Variants in DIAPH3 observed in about 807,000 individuals in gnomAD.
DIAPH3 encodes the protein protein diaphanous homolog 3.
Under a neutral mutation model 144.3 loss-of-function variants are expected in DIAPH3, and 117 were observed. That is an observed-to-expected ratio of 0.81 (90% CI 0.70 to 0.95). The LOEUF (loss-of-function observed/expected upper bound fraction) is 0.95, where lower values mean the gene tolerates loss of function less well. DIAPH3 is among the 40% of genes least tolerant of loss of function. The probability of loss-of-function intolerance (pLI) is 0.00; values close to 1 mark genes in which losing one functional copy is unlikely to be tolerated. For synonymous variants in DIAPH3, 519 were observed against 488.9 expected, an observed-to-expected ratio of 1.06 and a Z score of -0.81; for missense variants, 1,421 against 1,412.7, an observed-to-expected ratio of 1.01 and a Z score of -0.09.
rs184519702 is a variant in DIAPH3 at position 60,053,459 on chromosome 13, T to C, written c.496-10639A>G. Among the ~76,000 whole-genome samples, 278 of 152,246 alleles carry C rather than the reference T, an allele frequency of 1.8e-3. 1 individual carries two copies. The highest frequency in any genetic ancestry group is 1.2e-3 in the East Asian group (6 of 5,190). The stretch of plus-strand genomic sequence containing the variant: ...ACCAAATGCAGCATAGAAAGAAAAG[T>C]ACATAGATTCCTCTTATCATATTCT... On this transcript the variant is annotated intron_variant, in intron 4 of 27. Coordinates refer to ENST00000400324, the MANE Select transcript of DIAPH3 (RefSeq NM_001042517.2).
chr13:59,752,901 T>C (rs2037082783), intron 27 of DIAPH3, among the ~76,000 whole-genome samples: 1 of 152,242 alleles, frequency 6.6e-6, no homozygotes, highest in Non-Finnish European at 1.5e-5. Context: ...ACATGTAAAG[T>C]GTCTGAACAG....
chr13:59,933,127 T>C (rs926746302), intron 17 of DIAPH3, among the ~76,000 whole-genome samples: 3 of 152,186 alleles, frequency 2.0e-5, no homozygotes, highest in African/African-American at 4.8e-5. Flanking sequence ...TTGTACAAAA[T>C]ACTATTTCTG....
chr13:60,120,649 A>G (rs2058821654), intron 2 of DIAPH3, among the ~76,000 whole-genome samples: 2 of 152,226 alleles, frequency 1.3e-5, no homozygotes, highest in Admixed American at 6.5e-5. Context: ...AAGTTACAAC[A>G]TGCAATACGT....
In DIAPH3 at chr13:60,163,838, C is replaced by A; in HGVS notation, c.-72G>T. On this transcript the variant is annotated 5_prime_UTR_variant, in exon 1 of 28. Coordinates refer to ENST00000400324, the MANE Select transcript of DIAPH3 (RefSeq NM_001042517.2). ...AGCCGCAAGCTGGAAGCTGAGGGAT[C>A]GACAACAGGTTTTACTCCCGGGGTC... 3.3e-6 allele frequency: 5 copies of A among 1,523,234 alleles called. No homozygotes were observed. Among genetic ancestry groups the A allele is most frequent in the South Asian group, 1.2e-5 (1 of 82,484 alleles). The allele number at this position is 1,523,234 out of a possible 1,614,324, so 94.4% of individuals were successfully genotyped here. A position where few individuals can be genotyped will look rare whatever the true frequency, so the allele number is the denominator to read the frequency against.
rs1200858177 is a variant in DIAPH3, at chr13:59,817,383, C to G, written c.3028-6460G>C. ...CATTTTGGGGCTATGTTATTAGGCA[C>G]ATACCATTTTTAAATTGTTGTATCT... is the stretch of plus-strand genomic sequence containing the variant. On this transcript the variant is annotated intron_variant, in intron 24 of 27. Transcript: ENST00000400324. Among the ~76,000 whole-genome samples the G allele has an allele frequency of 1.3e-4, 20 of 151,846 alleles. 1 individual carries two copies. Among genetic ancestry groups the G allele is most frequent in the Admixed American group, 1.3e-3 (20 of 15,218 alleles).
Position 59,802,831 on chromosome 13 carries a change from G to A in DIAPH3, c.3163+7957C>T, listed in dbSNP as rs867710851. Among the ~76,000 whole-genome samples the A allele has an allele frequency of 3.6e-4, 54 of 148,340 alleles. No individual in the cohort carries two copies. In the South Asian group the frequency reaches 0.011, roughly 30 times the overall value. ...CGAGTAGCTGGGACTACAGGCGCCC[G>A]CCACCGCGCCCGGCTAATTTTTTTT... On this transcript the variant is annotated intron_variant, in intron 25 of 27. Transcript: ENST00000400324.
At chr13:60,040,240 A>AC (rs2055550509) in intron 5 of DIAPH3, among the ~76,000 whole-genome samples, 1 of 150,506 alleles carries the variant, frequency 6.6e-6, no homozygotes, top group South Asian at 2.1e-4. Context: ...AAAAAAAAAA[A>AC]AAAAAAAAAA....
chr13:60,101,784 C>G (rs552709579), intron 3 of DIAPH3, among the ~76,000 whole-genome samples: 2 of 152,138 alleles, frequency 1.3e-5, no homozygotes, highest in African/African-American at 4.8e-5. Context: ...TTATCTCTGA[C>G]CTCAATCTTC....
chr13:59,695,104 T>C (rs1246140354), intron 27 of DIAPH3: 1 of 152,250 alleles, frequency 6.6e-6, no homozygotes, highest in Non-Finnish European at 1.5e-5. Flanking sequence ...GCATATATTT[T>C]GTAGGTTACT....
At chr13:60,123,357 A>G (rs2058898283) in intron 2 of DIAPH3, among the ~76,000 whole-genome samples, 1 of 152,236 alleles carries the variant, frequency 6.6e-6, no homozygotes, top group Admixed American at 6.5e-5. Context: ...TCAACAAATT[A>G]TTAATGAATG....
chr13:59,873,096 T>C (rs2044377847), intron 21 of DIAPH3, among the ~76,000 whole-genome samples: 1 of 152,222 alleles, frequency 6.6e-6, no homozygotes, highest in Non-Finnish European at 1.5e-5. Context: ...CAAAGGGGGT[T>C]AAGCATTCTA....
At chr13:59,953,948 T>A (rs927692427) in intron 17 of DIAPH3, among the ~76,000 whole-genome samples, 1 of 152,210 alleles carries the variant, frequency 6.6e-6, no homozygotes, top group Non-Finnish European at 1.5e-5. Context: ...TGAAAGGCTA[T>A]CGCTGTTTCT....
chr13:60,119,561 A>C (rs1210930802), intron 2 of DIAPH3, among the ~76,000 whole-genome samples: 1 of 151,192 alleles, frequency 6.6e-6, no homozygotes. Flanking sequence ...TCCCGGCTAA[A>C]ACGGTGAAAC....
intron 27 of DIAPH3, among the ~76,000 whole-genome samples, chr13:59,723,959 T>TAAAAA (rs144643410): frequency 2.2e-5 from 3 of 133,790 alleles, no homozygotes; most frequent in Non-Finnish European, 1.6e-5. Flanking sequence ...TGTTAAAAGT[T>TAAAAA]AAAAAAAAAA....
At chr13:59,822,156 A>G (rs753129064) in intron 24 of DIAPH3, among the ~76,000 whole-genome samples, 23 of 152,162 alleles carry the variant, frequency 1.5e-4, no homozygotes, top group Admixed American at 3.3e-4. Flanking sequence ...ATAAAGTATA[A>G]GATGTTTGTA....
In DIAPH3 at chr13:59,956,985, G is replaced by A. The variant is rs982873509; in HGVS notation, c.2074+12959C>T. Among the ~76,000 whole-genome samples, 4 of 152,290 alleles carry A rather than the reference G, an allele frequency of 2.6e-5. No homozygotes were observed. In the South Asian group the frequency reaches 8.3e-4, roughly 32 times the overall value. On this transcript the variant is annotated intron_variant, in intron 17 of 27. Transcript: ENST00000400324. ...GGCCAATTTCTCCCATTTGGAATGG[G>A]TGTATTTACCCGATGCATGTACCCC... is the stretch of plus-strand genomic sequence containing the variant.
At chr13:60,063,015 T>G (rs1206422247) in intron 4 of DIAPH3, among the ~76,000 whole-genome samples, 1 of 152,204 alleles carries the variant, frequency 6.6e-6, no homozygotes, top group Non-Finnish European at 1.5e-5. Flanking sequence ...ATCAATTGAC[T>G]CTTCCTTTCA....
At position 59,811,516 on chromosome 13, in the gene DIAPH3, A is replaced by T. The variant is rs2040472579; in HGVS notation, c.3028-593T>A. The stretch of plus-strand genomic sequence containing the variant: ...CACTTTGGGAGGCCGAGGTGGGCGG[A>T]TCATAAGGTCAGTAGATCGAGACCA... On this transcript the variant is annotated intron_variant, in intron 24 of 27. Transcript: ENST00000400324. 2.0e-5 allele frequency among the ~76,000 whole-genome samples: 3 copies of T among 152,200 alleles called. No homozygotes were observed. The South Asian group carries it at 6.2e-4, about 32-fold the overall frequency.
chr13:59,877,272 T>C (rs897447253), intron 21 of DIAPH3, among the ~76,000 whole-genome samples: 1 of 152,072 alleles, frequency 6.6e-6, no homozygotes, highest in Admixed American at 6.6e-5. Context: ...GGTAGATACT[T>C]AGGAATTATT....
Sources: allele counts gnomAD v4.1 joint callset (sites outside exome capture counted in the v4.1 genomes callset), GRCh38; gene constraint gnomAD v4.1.1; transcripts MANE v1.5; gene names NCBI Gene and HGNC (gene_info 2026-07-23, HGNC 2026-07-21).